ULBP3: variants seen among roughly 807,000 people sequenced by gnomAD.
The protein encoded by ULBP3 is UL16 binding protein 3.
Under a neutral mutation model 24.9 loss-of-function variants are expected in ULBP3, and 25 were observed. The observed-to-expected ratio is 1.00, with a 90% CI of 0.73 to 1.40. The LOEUF (loss-of-function observed/expected upper bound fraction) is 1.40. ULBP3 is among the 40% of genes most tolerant of loss of function. The pLI is 0.00. For synonymous variants in ULBP3, 114 were observed against 114.7 expected (o/e 0.99, Z 0.04); for missense variants, 306 against 307.5 (o/e 1.00, Z 0.04).
chr6:150,067,430 C>T (rs1303141955), intron 1 of ULBP3, among the ~76,000 whole-genome samples: 1 of 152,132 alleles, frequency 6.6e-6, no homozygotes, highest in Non-Finnish European at 1.5e-5. Context: ...CGAGCTCTTC[C>T]CAGGGATGTG....
chr6:150,063,619 C>T (rs1315151323), intron 4 of ULBP3, among the ~76,000 whole-genome samples: 6 of 152,240 alleles, frequency 3.9e-5, no homozygotes, highest in Non-Finnish European at 7.3e-5. Context: ...CACTCAGGGC[C>T]TGCTCCTCCC....
Position 150,068,281 on chromosome 6 carries a change from C to T in ULBP3, c.88+698G>A, listed in dbSNP as rs76451539. Reference sequence around the variant, plus strand: ...GGACTCCCCCTCACATTCATCACATCCACACCTCCCAGAAGCCACAGGCAG... The same window carrying T: ...GGACTCCCCCTCACATTCATCACATTCACACCTCCCAGAAGCCACAGGCAG... On this transcript the variant is annotated intron_variant, in intron 1 of 4. Transcript: ENST00000367339. 3.3e-3 allele frequency among the ~76,000 whole-genome samples: 500 copies of T among 152,270 alleles called. 1 individual carries two copies. Among genetic ancestry groups the T allele is most frequent in the South Asian group, 6.4e-3 (31 of 4,824 alleles).
chr6:150,068,924 C>T, intron 1 of ULBP3, 55 bp downstream of exon 1: 2 of 1,524,266 alleles, frequency 1.3e-6, no homozygotes, highest in East Asian at 2.4e-5. Flanking sequence ...CCGCTGCAGT[C>T]CACAGCCCCC....
chr6:150,064,907 G>A (rs1050607224), intron 3 of ULBP3, among the ~76,000 whole-genome samples, 194 bp from the exon 4 acceptor site: 5 of 151,962 alleles, frequency 3.3e-5, no homozygotes, highest in African/African-American at 1.2e-4. Context: ...AGCTCACACA[G>A]CTGCTGAGGG....
chr6:150,068,840 G>T, intron 1 of ULBP3, 139 bp downstream of exon 1: 1 of 868,768 alleles, frequency 1.2e-6, no homozygotes, highest in South Asian at 2.9e-5. Context: ...AAAGAGCAGC[G>T]AATCGGAACT....
intron 1 of ULBP3, among the ~76,000 whole-genome samples, 174 bp from the exon 2 acceptor site, chr6:150,066,336 C>G (rs1485915675): frequency 6.6e-6 from 1 of 152,120 alleles, no homozygotes; most frequent in Non-Finnish European, 1.5e-5. Flanking sequence ...TCTATCTCCC[C>G]ACTCTGCCCA....
In ULBP3 at chr6:150,066,119, G is replaced by T. The variant is rs766246742; in HGVS notation, c.132C>A (p.Pro44=). Residue 44 remains proline (P), a synonymous_variant, in exon 2 of 5, where the codon CCC becomes CCA. Coordinates refer to ENST00000367339, the MANE Select transcript of ULBP3 (RefSeq NM_024518.3). The part of the protein sequence containing the change: ...LWYNFTIIHL[P]RHGQQWCEVQ... ...CCTCACACCACTGTTGCCCATGTCT[G>T]GGCAAATGAATGATGGTGAAGTTAT... is the stretch of plus-strand genomic sequence containing the variant. 6.2e-7 allele frequency: 1 copy of T among 1,614,146 alleles called. No individual in the cohort carries two copies. The highest frequency in any genetic ancestry group is 2.2e-5 in the East Asian group (1 of 44,884).
intron 3 of ULBP3, among the ~76,000 whole-genome samples, chr6:150,064,941 C>CG (rs747467764): frequency 6.6e-6 from 1 of 151,826 alleles, no homozygotes; most frequent in Non-Finnish European, 1.5e-5. Context: ...GCACAGCCCA[C>CG]CCTCCTGCTG....
At chr6:150,064,828 G>A (rs1582865023) in intron 3 of ULBP3, 115 bp from the exon 4 acceptor site, 6 of 1,116,808 alleles carry the variant, frequency 5.4e-6, no homozygotes, top group Non-Finnish European at 7.8e-6. Context: ...TGTCTCCCCT[G>A]CTGTGGGGCA....
chr6:150,063,942 G>A (rs373430837), intron 4 of ULBP3, among the ~76,000 whole-genome samples: 55 of 152,346 alleles, frequency 3.6e-4, no homozygotes, highest in South Asian at 2.3e-3. Context: ...CAGAATGGCA[G>A]TGGCATCGTC....
Position 150,062,214 on chromosome 6 carries a change from A to G in ULBP3, c.*1160T>C, listed in dbSNP as rs1490573817. On this transcript the variant is annotated 3_prime_UTR_variant, in exon 5 of 5. Coordinates refer to ENST00000367339, the MANE Select transcript of ULBP3 (RefSeq NM_024518.3). ...TTGCTAGTTTCTTTTTCTGTGCAGA[A>G]GCTCTTTAGTTTAATGAGGTCCCAT... Among the ~76,000 whole-genome samples the G allele has an allele frequency of 3.9e-5, 6 of 152,096 alleles. No individual in the cohort carries two copies. Among genetic ancestry groups the G allele is most frequent in the Admixed American group, 2.6e-4 (4 of 15,264 alleles).
Position 150,063,267 on chromosome 6 carries a change from C to A in ULBP3, c.*107G>T. ...TGAACTCCTGCTTTCCAGAAAGGCACAGTGGTGAGTAGACAGGCGGCCTCC... is the reference window on the plus strand; with the variant it reads ...TGAACTCCTGCTTTCCAGAAAGGCAAAGTGGTGAGTAGACAGGCGGCCTCC... On this transcript the variant is annotated 3_prime_UTR_variant, in exon 5 of 5. Transcript: ENST00000367339. The A allele has an allele frequency of 1.2e-6, 1 of 812,302 alleles. No individual in the cohort carries two copies. The highest frequency in any genetic ancestry group is 1.5e-6 in the Non-Finnish European group (1 of 671,914). The allele number at this position is 812,302 out of a possible 1,614,324, so 50.3% of individuals were successfully genotyped here. A position where few individuals can be genotyped will look rare whatever the true frequency, so the allele number is the denominator to read the frequency against.
At chr6:150,067,815 C>T (rs1269987295) in intron 1 of ULBP3, among the ~76,000 whole-genome samples, 1 of 152,144 alleles carries the variant, frequency 6.6e-6, no homozygotes, top group Non-Finnish European at 1.5e-5. Flanking sequence ...ATGGCTATTC[C>T]CAACCACAGA....
intron 1 of ULBP3, among the ~76,000 whole-genome samples, chr6:150,068,455 A>T (rs144733240): frequency 2.2e-4 from 33 of 152,284 alleles, no homozygotes; most frequent in Non-Finnish European, 7.4e-5. Flanking sequence ...TTTTACTTGC[A>T]GGTTGCCATT....
chr6:150,062,223 GT>G lies in ULBP3; in HGVS notation c.*1150del, dbSNP rs748399233. Among the ~76,000 whole-genome samples the G allele has an allele frequency of 6.6e-6, 1 of 152,164 alleles. No individual in the cohort carries two copies. The highest frequency in any genetic ancestry group is 2.4e-5 in the African/African-American group (1 of 41,436). ...TCTTTTTCTGTGCAGAAGCTCTTTAGTTTAATGAGGTCCCATTTGTCAATTT... is the reference window on the plus strand; with the variant it reads ...TCTTTTTCTGTGCAGAAGCTCTTTAGTTAATGAGGTCCCATTTGTCAATTT... On this transcript the variant is annotated 3_prime_UTR_variant, in exon 5 of 5. Coordinates refer to ENST00000367339, the MANE Select transcript of ULBP3 (RefSeq NM_024518.3).
chr6:150,068,356 C>T (rs1346158509), intron 1 of ULBP3, among the ~76,000 whole-genome samples: 1 of 152,134 alleles, frequency 6.6e-6, no homozygotes, highest in Admixed American at 6.5e-5. Context: ...GAGATGACAC[C>T]CTAGGGGATG....
chr6:150,066,949 A>G (rs548071980), intron 1 of ULBP3, among the ~76,000 whole-genome samples: 1 of 152,176 alleles, frequency 6.6e-6, no homozygotes, highest in Admixed American at 6.5e-5. Flanking sequence ...GAAATAAGAG[A>G]TCTCAAGTGG....
chr6:150,063,582 A>C (rs1373425070), intron 4 of ULBP3, among the ~76,000 whole-genome samples: 2 of 152,154 alleles, frequency 1.3e-5, no homozygotes, highest in African/African-American at 4.8e-5. Context: ...CTCAGACCTG[A>C]GGCTGGTAAT....
intron 1 of ULBP3, among the ~76,000 whole-genome samples, chr6:150,067,469 T>C (rs916208695): frequency 8.5e-5 from 13 of 152,190 alleles, no homozygotes; most frequent in African/African-American, 3.1e-4. Context: ...CTGTTACTCA[T>C]GAGGTGCATT....
Sources: allele counts gnomAD v4.1 joint callset (sites outside exome capture counted in the v4.1 genomes callset), GRCh38; gene constraint gnomAD v4.1.1; transcripts MANE v1.5; gene names NCBI Gene and HGNC (gene_info 2026-07-23, HGNC 2026-07-21).